Variants in TENM2 observed in about 807,000 individuals in gnomAD.
The protein encoded by TENM2 is teneurin-2.
TENM2 carries 52 observed loss-of-function variants against 245.2 expected under a neutral mutation model. That is an observed-to-expected ratio of 0.21 (90% CI 0.17 to 0.27). The LOEUF (loss-of-function observed/expected upper bound fraction) is 0.27, where lower values mean the gene tolerates loss of function less well. TENM2 is among the 10% of genes least tolerant of loss of function. TENM2 has a pLI of 1.00. For synonymous variants in TENM2, 1,363 were observed against 1,438.9 expected, an observed-to-expected ratio of 0.95 and a Z score of 1.19; for missense variants, 3,046 against 3,666.8, an observed-to-expected ratio of 0.83 and a Z score of 4.37.
chr5:167,601,116 A>G (rs1776604303), intron 2 of TENM2, among the ~76,000 whole-genome samples: 2 of 152,238 alleles, frequency 1.3e-5, no homozygotes, highest in African/African-American at 4.8e-5. Context: ...GCACCAATAT[A>G]CCTAATTAAC....
chr5:167,130,567 G>T, the TENM2 span, among the ~76,000 whole-genome samples: 1 of 152,132 alleles, frequency 6.6e-6, no homozygotes, highest in Non-Finnish European at 1.5e-5. Flanking sequence ...AAAGTCACTG[G>T]CAGTCCTGCT....
chr5:166,980,414 T>G, the TENM2 span, among the ~76,000 whole-genome samples: 1 of 152,188 alleles, frequency 6.6e-6, no homozygotes, highest in Admixed American at 6.5e-5. Context: ...CAAATTGAAC[T>G]CTAACTCTTT....
At chr5:167,077,122 G>C in the TENM2 span, among the ~76,000 whole-genome samples, 1 of 152,092 alleles carries the variant, frequency 6.6e-6, no homozygotes, top group African/African-American at 2.4e-5. Context: ...CACTGTGCCT[G>C]GCCTGAACTG....
At chr5:167,442,271 C>T (rs1764919543) in intron 2 of TENM2, among the ~76,000 whole-genome samples, 1 of 152,156 alleles carries the variant, frequency 6.6e-6, no homozygotes, top group Non-Finnish European at 1.5e-5. Flanking sequence ...TCTAGCATTA[C>T]ATTACATAAA....
intron 2 of TENM2, chr5:167,754,957 A>C (rs1236557425): frequency 1.5e-5 from 22 of 1,476,766 alleles, no homozygotes; most frequent in Non-Finnish European, 2.0e-5. Flanking sequence ...TCCCAGCTGG[A>C]GAAGGCCTCA....
chr5:167,780,063 A>G (rs888890793), intron 2 of TENM2, among the ~76,000 whole-genome samples: 81 of 152,214 alleles, frequency 5.3e-4, no homozygotes, highest in Non-Finnish European at 4.8e-4. Flanking sequence ...AACACTGGTG[A>G]CACTCCGGGT....
At chr5:167,480,057 TAC>T (rs1554163496) in intron 2 of TENM2, among the ~76,000 whole-genome samples, 1 of 152,216 alleles carries the variant, frequency 6.6e-6, no homozygotes, top group Non-Finnish European at 1.5e-5. Context: ...CTGAACTGTT[TAC>T]AGTTTTAAAA....
At chr5:168,091,003 C>T (rs906153198) in intron 8 of TENM2, among the ~76,000 whole-genome samples, 1 of 152,134 alleles carries the variant, frequency 6.6e-6, no homozygotes, top group African/African-American at 2.4e-5. Flanking sequence ...GAGTTTGGGT[C>T]AGACTGCCTG....
the TENM2 span, among the ~76,000 whole-genome samples, chr5:167,080,389 A>G: frequency 6.6e-6 from 1 of 152,172 alleles, no homozygotes; most frequent in Non-Finnish European, 1.5e-5. Flanking sequence ...TGAACCTGTT[A>G]TTATACATTT....
At chr5:167,414,525 G>A (rs1239108601) in intron 2 of TENM2, among the ~76,000 whole-genome samples, 1 of 152,010 alleles carries the variant, frequency 6.6e-6, no homozygotes, top group Non-Finnish European at 1.5e-5. Flanking sequence ...GTGATTTAGG[G>A]TGATTTATGG....
intron 1 of TENM2, among the ~76,000 whole-genome samples, 165 bp from the exon 4 acceptor site, chr5:167,375,033 T>G (rs1760665647): frequency 1.3e-5 from 2 of 152,194 alleles, no homozygotes; most frequent in African/African-American, 4.8e-5. Flanking sequence ...TTCAAAGGTA[T>G]CCCACTGTCC....
chr5:167,452,931 T>TATATATATA (rs1554157698), intron 2 of TENM2, among the ~76,000 whole-genome samples: 1 of 4,868 alleles, frequency 2.1e-4, no homozygotes, highest in Non-Finnish European at 7.1e-4. Flanking sequence ...AAAGTATGAT[T>TATATATATA]TATATATATA....
intron 5 of TENM2, among the ~76,000 whole-genome samples, chr5:168,042,903 A>C (rs1788316408): frequency 6.6e-6 from 1 of 152,124 alleles, no homozygotes; most frequent in Non-Finnish European, 1.5e-5. Flanking sequence ...GGATTTCATG[A>C]GTTTCCGCTC....
At chr5:166,995,606 A>G in the TENM2 span, among the ~76,000 whole-genome samples, 1 of 151,940 alleles carries the variant, frequency 6.6e-6, no homozygotes, top group African/African-American at 2.4e-5. Flanking sequence ...ACCTGAGGTC[A>G]GGAGTTCAAG....
At chr5:167,843,295 G>A in intron 2 of TENM2, among the ~76,000 whole-genome samples, 1 of 152,176 alleles carries the variant, frequency 6.6e-6, no homozygotes, top group South Asian at 2.1e-4. Flanking sequence ...ATTTGAGGAC[G>A]TTTTTGTTTG....
intron 2 of TENM2, among the ~76,000 whole-genome samples, chr5:167,467,897 A>T (rs1046197020): frequency 6.6e-6 from 1 of 152,172 alleles, no homozygotes; most frequent in East Asian, 1.9e-4. Context: ...CACCTTGATC[A>T]GAAGTATAAA....
At chr5:167,014,470 C>G in the TENM2 span, among the ~76,000 whole-genome samples, 1 of 151,830 alleles carries the variant, frequency 6.6e-6, no homozygotes, top group South Asian at 2.1e-4. Flanking sequence ...AGGAGTAGTT[C>G]CCTGTTAACA....
intron 1 of TENM2, among the ~76,000 whole-genome samples, chr5:167,285,715 G>A (rs1332220046): frequency 6.6e-6 from 1 of 152,222 alleles, no homozygotes; most frequent in Non-Finnish European, 1.5e-5. Context: ...GCTGAGAGGT[G>A]GTGTGACAAA....
chr5:168,261,993 T>C (rs1423465402), intron 28 of TENM2, 56 bp from the exon 31 acceptor site: 30 of 1,550,288 alleles, frequency 1.9e-5, no homozygotes, highest in South Asian at 6.0e-5. Flanking sequence ...GTGACTCTTT[T>C]TGAGAGAGCT....
Sources: allele counts gnomAD v4.1 joint callset (sites outside exome capture counted in the v4.1 genomes callset), GRCh38; gene constraint gnomAD v4.1.1; transcripts MANE v1.5; gene names NCBI Gene and HGNC (gene_info 2026-07-23, HGNC 2026-07-21).